The following FOLH1 variants were observed in gnomAD, a reference collection of about 807,000 sequenced individuals.
FOLH1 encodes the protein glutamate carboxypeptidase 2.
Under a neutral mutation model 93.9 loss-of-function variants are expected in FOLH1, and 54 were observed. The ratio of observed to expected loss-of-function variants is 0.57; its 90% CI spans 0.46 to 0.72. The LOEUF (loss-of-function observed/expected upper bound fraction) is 0.72. FOLH1 is among the 30% of genes least tolerant of loss of function. The pLI is 0.00. For synonymous variants in FOLH1, 249 were observed against 303.6 expected (o/e 0.82, Z 1.87); for missense variants, 571 against 892.5 (o/e 0.64, Z 4.59).
At chr11:49,188,231 T>C (rs1182949979) in intron 4 of FOLH1, among the ~76,000 whole-genome samples, 3 of 152,146 alleles carry the variant, frequency 2.0e-5, no homozygotes, top group Admixed American at 6.5e-5. Context: ...GTTATAATTA[T>C]AGGCCAGGCA....
chr11:49,193,050 G>T (rs541754555), intron 3 of FOLH1, among the ~76,000 whole-genome samples, 156 bp from the exon 4 acceptor site: 1 of 152,138 alleles, frequency 6.6e-6, no homozygotes, highest in Non-Finnish European at 1.5e-5. Flanking sequence ...CACTATGCTA[G>T]AAGTTGTGAA....
chr11:49,154,028 T>C, intron 16 of FOLH1, 101 bp from the exon 17 acceptor site: 1 of 1,323,298 alleles, frequency 7.6e-7, no homozygotes, highest in South Asian at 1.5e-5. Flanking sequence ...CCATCATCTT[T>C]TGTGTTTTAC....
chr11:49,166,466 A>AT (rs1387546448), intron 12 of FOLH1, among the ~76,000 whole-genome samples: 1 of 152,128 alleles, frequency 6.6e-6, no homozygotes, highest in Non-Finnish European at 1.5e-5. Context: ...GTACTGAATA[A>AT]TTTTTTTACG....
At chr11:49,190,284 A>G (rs1209032979) in intron 4 of FOLH1, among the ~76,000 whole-genome samples, 1 of 152,232 alleles carries the variant, frequency 6.6e-6, no homozygotes, top group Non-Finnish European at 1.5e-5. Context: ...TAAAAATGAG[A>G]GTAAACTTTG....
In FOLH1 at chr11:49,208,287, C is replaced by G. The variant is rs771038429; in HGVS notation, c.118+5G>C. On this transcript the variant is annotated splice_donor_5th_base_variant and intron_variant, in intron 1 of 18. Coordinates refer to ENST00000256999, the MANE Select transcript of FOLH1 (RefSeq NM_004476.3). The stretch of plus-strand genomic sequence containing the variant: ...CGAGGTTTGCTCCGCGAGGCGCCCC[C>G]CTACCGAAGAGGAAGCCGAGGAGAA... 25 of 1,546,170 alleles carry G rather than the reference C, an allele frequency of 1.6e-5. No individual in the cohort carries two copies. The South Asian group carries it at 3.0e-4, about 18-fold the overall frequency.
At chr11:49,166,551 A>G (rs1858436137) in intron 12 of FOLH1, among the ~76,000 whole-genome samples, 1 of 152,370 alleles carries the variant, frequency 6.6e-6, no homozygotes, top group Non-Finnish European at 1.5e-5. Flanking sequence ...TAATGCCAAC[A>G]TGATGGAAAC....
chr11:49,172,246 T>C (rs2135081006), intron 10 of FOLH1, among the ~76,000 whole-genome samples: 1 of 152,282 alleles, frequency 6.6e-6, no homozygotes, highest in East Asian at 1.9e-4. Flanking sequence ...CCTAGAAAAA[T>C]CATGAAACAT....
chr11:49,197,635 G>A (rs936465804), intron 3 of FOLH1, among the ~76,000 whole-genome samples: 1 of 152,026 alleles, frequency 6.6e-6, no homozygotes, highest in South Asian at 2.1e-4. Flanking sequence ...GTTTTGTGCA[G>A]GGGTATAAAA....
At chr11:49,150,378 A>G (rs1399005350) in intron 17 of FOLH1, among the ~76,000 whole-genome samples, 1 of 152,192 alleles carries the variant, frequency 6.6e-6, no homozygotes, top group Non-Finnish European at 1.5e-5. Context: ...GGAAAAAATA[A>G]TAGTGATTTT....
At chr11:49,150,063 C>A (rs1314899565) in intron 17 of FOLH1, among the ~76,000 whole-genome samples, 1 of 152,058 alleles carries the variant, frequency 6.6e-6, no homozygotes, top group Non-Finnish European at 1.5e-5. Flanking sequence ...TCAAGCAATT[C>A]CTCTGCCTCA....
intron 17 of FOLH1, among the ~76,000 whole-genome samples, chr11:49,151,321 A>T (rs1174884150): frequency 6.6e-6 from 1 of 152,246 alleles, no homozygotes; most frequent in African/African-American, 2.4e-5. Flanking sequence ...TTTCAATAAG[A>T]TGCAATGGGT....
At chr11:49,188,096 G>A (rs2135219174) in intron 4 of FOLH1, among the ~76,000 whole-genome samples, 1 of 152,246 alleles carries the variant, frequency 6.6e-6, no homozygotes, top group African/African-American at 2.4e-5. Context: ...TTAAATATGG[G>A]TATGCTTGAA....
At chr11:49,175,155 G>A (rs952294173) in intron 8 of FOLH1, among the ~76,000 whole-genome samples, 178 bp from the exon 9 acceptor site, 2 of 152,094 alleles carry the variant, frequency 1.3e-5, no homozygotes, top group African/African-American at 2.4e-5. Context: ...GTATACAGGA[G>A]CCAAACAAAA....
In FOLH1 at chr11:49,145,845, C is replaced by T. The variant is rs1223246191; in HGVS notation, c.*911G>A. 6.6e-6 allele frequency among the ~76,000 whole-genome samples: 1 copy of T among 151,922 alleles called. No individual in the cohort carries two copies. Among genetic ancestry groups the T allele is most frequent in the Admixed American group, 6.6e-5 (1 of 15,242 alleles). ...GTATGTTTTCTCTGTCTTGATGGAC[C>T]CTGAATCCTACCCTCATGTGAATGA... is the stretch of plus-strand genomic sequence containing the variant. On this transcript the variant is annotated 3_prime_UTR_variant, in exon 19 of 19. Transcript: ENST00000256999.
chr11:49,206,057 A>G lies in FOLH1; in HGVS notation c.224+10T>C. 1.2e-6 allele frequency: 2 copies of G among 1,606,464 alleles called. No homozygotes were observed. Among genetic ancestry groups the G allele is most frequent in the Non-Finnish European group, 1.7e-6 (2 of 1,176,724 alleles). On this transcript the variant is annotated intron_variant, in intron 2 of 18. Coordinates refer to ENST00000256999, the MANE Select transcript of FOLH1 (RefSeq NM_004476.3). Reference sequence around the variant, plus strand: ...AACTTGTCCATATAAACTTTCGAGGATGTACTTACTATAAGAACTTCTTGA... The same window carrying G: ...AACTTGTCCATATAAACTTTCGAGGGTGTACTTACTATAAGAACTTCTTGA...
At chr11:49,162,911 G>A (rs1208102636) in intron 13 of FOLH1, 1 of 152,004 alleles carries the variant, frequency 6.6e-6, no homozygotes. Flanking sequence ...CATCGGTGAT[G>A]GCTGTGAAAC....
At chr11:49,207,972 C>T (rs1049308719) in intron 1 of FOLH1, 5 of 585,754 alleles carry the variant, frequency 8.5e-6, no homozygotes, top group Middle Eastern at 2.7e-4. Context: ...CAAAACAAAA[C>T]AAAAGCAAAA....
intron 6 of FOLH1, among the ~76,000 whole-genome samples, chr11:49,184,642 A>G (rs1468137971): frequency 1.3e-5 from 2 of 152,238 alleles, no homozygotes; most frequent in African/African-American, 4.8e-5. Context: ...AAGATTTACA[A>G]AGCCAAAAAA....
At chr11:49,173,688 T>A (rs559142502) in intron 9 of FOLH1, among the ~76,000 whole-genome samples, 2 of 152,156 alleles carry the variant, frequency 1.3e-5, no homozygotes, top group Non-Finnish European at 2.9e-5. Flanking sequence ...CAAATATATA[T>A]TTCAATGTAT....
Sources: gnomAD v4.1 joint callset for allele counts (sites outside exome capture counted in the v4.1 genomes callset) on GRCh38, gnomAD v4.1.1 for gene constraint, MANE v1.5 for transcripts, NCBI Gene and HGNC (gene_info 2026-07-23, HGNC 2026-07-21) for gene names.